UBE2O: variants seen among roughly 807,000 people sequenced by gnomAD.
UBE2O encodes the protein ubiquitin conjugating enzyme E2 O.
UBE2O carries 15 observed loss-of-function variants against 125.8 expected under a neutral mutation model. The ratio of observed to expected loss-of-function variants is 0.12; its 90% CI spans 0.08 to 0.18. The LOEUF (loss-of-function observed/expected upper bound fraction) is 0.18. UBE2O is among the 10% of genes least tolerant of loss of function. The pLI, the probability that UBE2O is intolerant of heterozygous loss-of-function variation, is 1.00. For missense variants in UBE2O, 1,280 were observed against 1,723.6 expected, an observed-to-expected ratio of 0.74 and a Z score of 4.56; for synonymous variants, 708 against 703.2, an observed-to-expected ratio of 1.01 and a Z score of -0.11.
Position 76,400,650 on chromosome 17 carries a change from G to C in UBE2O, c.895-100C>G, listed in dbSNP as rs1050279917. The C allele has an allele frequency of 1.3e-6, 1 of 773,408 alleles. No homozygotes were observed. 47.9% of individuals were successfully genotyped at this position (773,408 alleles called of 1,614,324 possible). A position where few individuals can be genotyped will look rare whatever the true frequency, so the allele number is the denominator to read the frequency against. ...CACTTGACCTCCAGAGCAGGAAACT[G>C]ATCTTCCTAGTGCAGCACCAAGTAC... On this transcript the variant is annotated intron_variant, in intron 6 of 17. Transcript: ENST00000319380. This position sits in a 1 kb window ranked among gnomAD's most constrained non-coding sequence, Gnocchi z 4.3.
In UBE2O at chr17:76,452,684, A is replaced by AG; in HGVS notation, c.417+40_417+41insC. ...TTCCCTGGCCTCGGCCCGGCCGCCG[A>AG]CCCCCTGCCGCCCGCGCCGCCCAGC... is the stretch of plus-strand genomic sequence containing the variant. On this transcript the variant is annotated intron_variant, in intron 1 of 17. Transcript: ENST00000319380. The surrounding 1 kb of genome is among the most constrained non-coding windows in gnomAD (Gnocchi z 4.4). The AG allele has an allele frequency of 6.0e-6, 8 of 1,343,112 alleles. No individual in the cohort carries two copies. Among genetic ancestry groups the AG allele is most frequent in the Non-Finnish European group, 7.6e-6 (8 of 1,057,706 alleles). 83.2% of individuals were successfully genotyped at this position (1,343,112 alleles called of 1,614,324 possible). A position where few individuals can be genotyped will look rare whatever the true frequency, so the allele number is the denominator to read the frequency against.
At chr17:76,445,837 C>T (rs970793874) in intron 1 of UBE2O, among the ~76,000 whole-genome samples, 3 of 152,206 alleles carry the variant, frequency 2.0e-5, no homozygotes, top group African/African-American at 7.2e-5. Context: ...CAGAGTCCCC[C>T]CGTGGCTGGC....
rs1333881938 is a variant in UBE2O at position 76,391,087 on chromosome 17, T to C, written c.3735A>G (p.Leu1245=). The change falls in exon 18 of 18, where the codon TTA becomes TTG. Residue 1245 remains leucine (L), a synonymous_variant. Transcript: ENST00000319380. This position sits in a 1 kb window ranked among gnomAD's most constrained non-coding sequence, Gnocchi z 8.4. ...KKRRKSYRSF[L]PEKSGYPDIG... ...TGTCAGGGTAGCCACTCTTCTCAGG[T>C]AAGAAGCTCCGGTAGCTCTTTCTCC... 2 of 1,614,148 alleles carry C rather than the reference T, an allele frequency of 1.2e-6. No homozygotes were observed. The highest frequency in any genetic ancestry group is 4.5e-5 in the East Asian group (2 of 44,888).
chr17:76,407,391 G>A (rs1441157436), intron 1 of UBE2O, among the ~76,000 whole-genome samples: 1 of 152,194 alleles, frequency 6.6e-6, no homozygotes, highest in Non-Finnish European at 1.5e-5. Context: ...CTGAGATACG[G>A]CATTTTTTTG....
chr17:76,398,181 G>A lies in UBE2O; in HGVS notation c.2025+74C>T, dbSNP rs549668384. The A allele has an allele frequency of 3.7e-4, 585 of 1,598,800 alleles. 7 individuals are homozygous for A. The South Asian group carries it at 6.2e-3, about 17-fold the overall frequency. On this transcript the variant is annotated intron_variant, in intron 12 of 17. Transcript: ENST00000319380. This position sits in a 1 kb window ranked among gnomAD's most constrained non-coding sequence, Gnocchi z 5.4. The stretch of plus-strand genomic sequence containing the variant: ...AGGTCTTGTCTCCTAGAGCCACCTG[G>A]TGGCAGCATCAGGGACTGCAGCTGG...
intron 1 of UBE2O, among the ~76,000 whole-genome samples, chr17:76,413,266 G>A (rs1280092728): frequency 6.6e-6 from 1 of 152,184 alleles, no homozygotes; most frequent in African/African-American, 2.4e-5. Flanking sequence ...TGTTAATGCA[G>A]CTTGATGGCC....
intron 1 of UBE2O, among the ~76,000 whole-genome samples, chr17:76,442,952 A>T (rs2073097436): frequency 6.6e-6 from 1 of 152,206 alleles, no homozygotes; most frequent in Non-Finnish European, 1.5e-5. Flanking sequence ...CAAAGAACTG[A>T]TGACAAGTTA....
chr17:76,412,100 G>A (rs1007236113), intron 1 of UBE2O, among the ~76,000 whole-genome samples: 1 of 152,144 alleles, frequency 6.6e-6, no homozygotes, highest in East Asian at 1.9e-4. Context: ...ACAAGCGGAC[G>A]ACCAGCCCCA....
chr17:76,392,228 G>A (rs1361022601), intron 15 of UBE2O, 115 bp from the exon 16 acceptor site: 2 of 626,400 alleles, frequency 3.2e-6, no homozygotes, highest in African/African-American at 1.9e-5. Flanking sequence ...AGATCACGCA[G>A]GAAGAGCAGC....
chr17:76,451,779 G>GGGTGT (rs2073248800), intron 1 of UBE2O, among the ~76,000 whole-genome samples: 1 of 137,348 alleles, frequency 7.3e-6, no homozygotes. Context: ...GATACAGGGG[G>GGGTGT]GTGTGTGTGT....
In UBE2O at chr17:76,452,219, T is replaced by C. The variant is rs565892230; in HGVS notation, c.417+506A>G. Among the ~76,000 whole-genome samples, 1 of 152,310 alleles carries C rather than the reference T, an allele frequency of 6.6e-6. No homozygotes were observed. The highest frequency in any genetic ancestry group is 2.4e-5 in the African/African-American group (1 of 41,564). On this transcript the variant is annotated intron_variant, in intron 1 of 17. Transcript: ENST00000319380. This position sits in a 1 kb window ranked among gnomAD's most constrained non-coding sequence, Gnocchi z 4.4. ...AAGAGGCTGGGTGGCTTCACCATAA[T>C]GCAGCCTGTAAGCTAGTGAACTTCT...
At chr17:76,418,639 G>A (rs1469014524) in intron 1 of UBE2O, among the ~76,000 whole-genome samples, 2 of 150,506 alleles carry the variant, frequency 1.3e-5, no homozygotes, top group African/African-American at 4.9e-5. Flanking sequence ...GCGCGATCTC[G>A]GCTCACTGCA....
rs1296657379 is a variant in UBE2O, at chr17:76,452,680, G to A, written c.417+45C>T. The A allele has an allele frequency of 4.5e-6, 6 of 1,342,556 alleles. No homozygotes were observed. The highest frequency in any genetic ancestry group is 5.7e-6 in the Non-Finnish European group (6 of 1,057,114). 83.2% of individuals were successfully genotyped at this position (1,342,556 alleles called of 1,614,324 possible). On this transcript the variant is annotated intron_variant, in intron 1 of 17. Transcript: ENST00000319380. This position sits in a 1 kb window ranked among gnomAD's most constrained non-coding sequence, Gnocchi z 4.4. ...GTCCTTCCCTGGCCTCGGCCCGGCCGCCGACCCCCTGCCGCCCGCGCCGCC... is the reference window on the plus strand; with the variant it reads ...GTCCTTCCCTGGCCTCGGCCCGGCCACCGACCCCCTGCCGCCCGCGCCGCC...
chr17:76,431,502 C>G (rs964575196), intron 1 of UBE2O, among the ~76,000 whole-genome samples: 2 of 151,788 alleles, frequency 1.3e-5, no homozygotes, highest in Admixed American at 1.3e-4. Flanking sequence ...GGTGCTCTGT[C>G]TCAAAAAAAA....
At position 76,400,093 on chromosome 17, in the gene UBE2O, TGGCTCAAGGCCA is replaced by T. The variant is rs1433435474; in HGVS notation, c.1155+42_1155+53del. ...AGACTGTCCTTCTTGGCCATGGAAA[TGGCTCAAGGCCA>T]GTTCCTCAAATGCCCACCAATCCCC... On this transcript the variant is annotated intron_variant, in intron 8 of 17. Coordinates refer to ENST00000319380, the MANE Select transcript of UBE2O (RefSeq NM_022066.4). The surrounding 1 kb of genome is among the most constrained non-coding windows in gnomAD (Gnocchi z 4.3). 6.3e-7 allele frequency: 1 copy of T among 1,581,544 alleles called. No homozygotes were observed. Among genetic ancestry groups the T allele is most frequent in the African/African-American group, 1.3e-5 (1 of 74,122 alleles).
Position 76,390,826 on chromosome 17 carries a change from GGCAGTGGGTTT to G in UBE2O, c.*106_*116del. 2.0e-6 allele frequency: 2 copies of G among 1,016,290 alleles called. No individual in the cohort carries two copies. Among genetic ancestry groups the G allele is most frequent in the Non-Finnish European group, 2.9e-6 (2 of 698,484 alleles). 63.0% of individuals were successfully genotyped at this position (1,016,290 alleles called of 1,614,324 possible). A position where few individuals can be genotyped will look rare whatever the true frequency, so the allele number is the denominator to read the frequency against. On this transcript the variant is annotated 3_prime_UTR_variant, in exon 18 of 18. Coordinates refer to ENST00000319380, the MANE Select transcript of UBE2O (RefSeq NM_022066.4). Reference sequence around the variant, plus strand: ...ATCAAACTCACCTTGGGGAGAAGAGGGCAGTGGGTTTGCAGTGGGGACAGAGGGGCATGGGA... The same window carrying G: ...ATCAAACTCACCTTGGGGAGAAGAGGGCAGTGGGGACAGAGGGGCATGGGA...
At position 76,390,767 on chromosome 17, in the gene UBE2O, C is replaced by T. The variant is rs895685494; in HGVS notation, c.*176G>A. ...TTGAAAGCTCGCTTCAAAATAGAAACGGCAGCATCTCAACACACTTCTTGC... is the reference window on the plus strand; with the variant it reads ...TTGAAAGCTCGCTTCAAAATAGAAATGGCAGCATCTCAACACACTTCTTGC... On this transcript the variant is annotated 3_prime_UTR_variant, in exon 18 of 18. Coordinates refer to ENST00000319380, the MANE Select transcript of UBE2O (RefSeq NM_022066.4). 1.6e-5 allele frequency: 9 copies of T among 560,190 alleles called. 1 individual carries two copies. Among genetic ancestry groups the T allele is most frequent in the South Asian group, 3.4e-5 (1 of 29,664 alleles). The allele number at this position is 560,190 out of a possible 1,614,324, so 34.7% of individuals were successfully genotyped here.
Position 76,399,697 on chromosome 17 carries a change from C to A in UBE2O, c.1380G>T (p.Leu460=), listed in dbSNP as rs1307411616. The change falls in exon 9 of 18, where the codon CTG becomes CTT. Residue 460 remains leucine (L), a synonymous_variant. Coordinates refer to ENST00000319380, the MANE Select transcript of UBE2O (RefSeq NM_022066.4). The surrounding 1 kb of genome is among the most constrained non-coding windows in gnomAD (Gnocchi z 6.9). ...TGCCTTCTTTTAGCAGGAATGGGGGCAGCTGCTCTCCTGCCTCGTGGGGCT... is the reference window on the plus strand; with the variant it reads ...TGCCTTCTTTTAGCAGGAATGGGGGAAGCTGCTCTCCTGCCTCGTGGGGCT... ...AEEPHEAGEQ[L]PPFLLKEGRD... 3.1e-6 allele frequency: 5 copies of A among 1,614,184 alleles called. No homozygotes were observed. Among genetic ancestry groups the A allele is most frequent in the Non-Finnish European group, 3.4e-6 (4 of 1,180,048 alleles).
intron 1 of UBE2O, among the ~76,000 whole-genome samples, chr17:76,429,145 C>T (rs2143838134): frequency 6.6e-6 from 1 of 152,002 alleles, no homozygotes; most frequent in East Asian, 2.0e-4. Flanking sequence ...CGTGATCTGC[C>T]CGCCTCGGCC....
Sources: gnomAD v4.1 joint callset for allele counts (sites outside exome capture counted in the v4.1 genomes callset) on GRCh38, gnomAD v4.1.1 for gene constraint, Gnocchi (gnomAD v3.1) non-coding constraint, MANE v1.5 for transcripts, NCBI Gene and HGNC (gene_info 2026-07-23, HGNC 2026-07-21) for gene names.